Variants in MRNIP observed in about 807,000 individuals in gnomAD.
MRNIP encodes MRN complex interacting protein, also known as MRN complex-interacting protein.
Under a neutral mutation model 29.8 loss-of-function variants are expected in MRNIP, and 30 were observed. The ratio of observed to expected loss-of-function variants is 1.01; its 90% CI spans 0.75 to 1.36. The LOEUF is 1.36. Ranked by LOEUF, MRNIP falls within the 40% of genes most tolerant of loss-of-function variation. MRNIP has a pLI of 0.00. For synonymous variants in MRNIP, 201 were observed against 164.1 expected, an observed-to-expected ratio of 1.23 and a Z score of -1.72; for missense variants, 459 against 423.5, an observed-to-expected ratio of 1.08 and a Z score of -0.74.
chr5:179,855,022 T>A (rs1359410284), intron 1 of MRNIP, among the ~76,000 whole-genome samples: 2 of 152,216 alleles, frequency 1.3e-5, no homozygotes, highest in Admixed American at 1.3e-4. Context: ...ATAAAAATTA[T>A]AAAGGAGCGG....
intron 4 of MRNIP, among the ~76,000 whole-genome samples, chr5:179,843,506 A>G (rs999158994): frequency 6.6e-6 from 1 of 152,116 alleles, no homozygotes; most frequent in African/African-American, 2.4e-5. Context: ...TTGGGAGCTG[A>G]GGTGGGAAGA....
chr5:179,846,859 G>A (rs1009388670), intron 3 of MRNIP, among the ~76,000 whole-genome samples: 6 of 152,072 alleles, frequency 3.9e-5, no homozygotes, highest in Admixed American at 3.9e-4. Context: ...AGTCCTCCGG[G>A]AGCTCAGTTT....
chr5:179,851,509 G>A (rs957334011), intron 2 of MRNIP: 2 of 443,148 alleles, frequency 4.5e-6, no homozygotes, highest in Non-Finnish European at 9.2e-6. Flanking sequence ...AAAAGCTGAT[G>A]TCTGGCTTGT....
Position 179,844,587 on chromosome 5 carries a change from C to T in MRNIP, c.216-360G>A, listed in dbSNP as rs1357410788. Among the ~76,000 whole-genome samples the T allele has an allele frequency of 4.0e-5, 6 of 151,414 alleles. No homozygotes were observed. The East Asian group carries it at 1.2e-3, about 29-fold the overall frequency. On this transcript the variant is annotated intron_variant, in intron 3 of 6. Transcript: ENST00000292586. ...ACAGGCACGCACCACTACGCCTGCC[C>T]TTTTTTTTTCTTCTTTTTATTGTAG... is the stretch of plus-strand genomic sequence containing the variant.
chr5:179,844,353 G>C, intron 3 of MRNIP, 126 bp from the exon 4 acceptor site: 1 of 715,940 alleles, frequency 1.4e-6, no homozygotes, highest in Admixed American at 2.1e-5. Flanking sequence ...AGGAGTTCGA[G>C]ACAAGTCTGA....
At chr5:179,843,075 GAGGGAGGCAGGCAAGC>G (rs1188248133) in intron 4 of MRNIP, among the ~76,000 whole-genome samples, 2 of 129,670 alleles carry the variant, frequency 1.5e-5, no homozygotes, top group Non-Finnish European at 3.4e-5. Context: ...GGGAGGGAGG[GAGGGAGGCAGGCAAGC>G]AGGCAAGCAG....
chr5:179,842,610 GA>G, intron 4 of MRNIP, among the ~76,000 whole-genome samples: 1 of 144,124 alleles, frequency 6.9e-6, no homozygotes, highest in South Asian at 2.3e-4. Context: ...TGAGGCAGGA[GA>G]ATGGTGTGAA....
rs58952171 is a variant in MRNIP, at chr5:179,842,699, C to CAAAAAA, written c.292-641_292-636dup. ...TGGGGGGCAGAGCGAGACTCCGTCT[C>CAAAAAA]AAAAAAAAAAAAAAAAAAAAAAAAA... is the stretch of plus-strand genomic sequence containing the variant. On this transcript the variant is annotated intron_variant, in intron 4 of 6. Coordinates refer to ENST00000292586, the MANE Select transcript of MRNIP (RefSeq NM_016175.4). Among the ~76,000 whole-genome samples, 190 of 28,990 alleles carry CAAAAAA rather than the reference C, an allele frequency of 6.6e-3. 10 individuals carry two copies. The highest frequency in any genetic ancestry group is 0.013 in the African/African-American group (73 of 5,720). The allele number at this position is 28,990 out of a possible 152,430, so 19.0% of individuals were successfully genotyped here. A position where few individuals can be genotyped will look rare whatever the true frequency, so the allele number is the denominator to read the frequency against.
At chr5:179,850,320 G>A (rs1458982857) in intron 2 of MRNIP, among the ~76,000 whole-genome samples, 1 of 152,234 alleles carries the variant, frequency 6.6e-6, no homozygotes, top group Non-Finnish European at 1.5e-5. Context: ...CAGCCGCTCT[G>A]CTGTCGCCAT....
At chr5:179,848,181 C>A (rs1759208876) in intron 2 of MRNIP, 115 bp from the exon 3 acceptor site, 2 of 770,042 alleles carry the variant, frequency 2.6e-6, no homozygotes, top group South Asian at 2.8e-5. Flanking sequence ...GGCCCAAAGA[C>A]CCCTAAAGCA....
chr5:179,858,352 G>A (rs575899582), intron 1 of MRNIP, among the ~76,000 whole-genome samples: 1 of 152,212 alleles, frequency 6.6e-6, no homozygotes, highest in Non-Finnish European at 1.5e-5. Context: ...GGGCGCCCAG[G>A]TGTGGAGCAG....
intron 4 of MRNIP, 66 bp from the exon 5 acceptor site, chr5:179,842,130 A>G: frequency 6.6e-7 from 1 of 1,507,776 alleles, no homozygotes; most frequent in South Asian, 1.2e-5. Context: ...GAAAACCCCT[A>G]GCCCAACTCT....
At position 179,840,857 on chromosome 5, in the gene MRNIP, C is replaced by G. The variant is rs371759442; in HGVS notation, c.537+15G>C. 6.3e-7 allele frequency: 1 copy of G among 1,576,416 alleles called. No homozygotes were observed. The highest frequency in any genetic ancestry group is 8.7e-7 in the Non-Finnish European group (1 of 1,149,032). On this transcript the variant is annotated intron_variant, in intron 6 of 6. Coordinates refer to ENST00000292586, the MANE Select transcript of MRNIP (RefSeq NM_016175.4). ...AGTGGTCACTGGGACCAGAGAGAAACTGTTTGTCACTGACCTTCTGGGGTC... is the reference window on the plus strand; with the variant it reads ...AGTGGTCACTGGGACCAGAGAGAAAGTGTTTGTCACTGACCTTCTGGGGTC...
Position 179,848,001 on chromosome 5 carries a change from T to G in MRNIP, c.192A>C (p.Gly64=). 6.2e-7 allele frequency: 1 copy of G among 1,613,066 alleles called. No individual in the cohort carries two copies. The highest frequency in any genetic ancestry group is 8.5e-7 in the Non-Finnish European group (1 of 1,179,468). Residue 64 remains glycine, a synonymous_variant, in exon 3 of 7, where the codon GGA becomes GGC. Coordinates refer to ENST00000292586, the MANE Select transcript of MRNIP (RefSeq NM_016175.4). ...ACCTGAGTGGCAGCTCTGAAACTTG[T>G]CCCTGTAGTAGATTTAACTTTTGGA... ...RHVQKLNLLQ[G]QVSELPLRSL...
chr5:179,856,911 G>A (rs184564058), intron 1 of MRNIP, among the ~76,000 whole-genome samples: 329 of 152,092 alleles, frequency 2.2e-3, no homozygotes, highest in Non-Finnish European at 3.1e-3. Context: ...CAACACGGCC[G>A]AAACCTCATT....
intron 1 of MRNIP, among the ~76,000 whole-genome samples, chr5:179,857,650 T>C (rs2113581000): frequency 6.6e-6 from 1 of 152,276 alleles, no homozygotes; most frequent in Non-Finnish European, 1.5e-5. Context: ...TTACAAACGC[T>C]TAGCATTAAA....
intron 4 of MRNIP, 112 bp downstream of exon 4, chr5:179,844,040 T>G: frequency 1.2e-6 from 1 of 851,406 alleles, no homozygotes; most frequent in Non-Finnish European, 1.9e-6. Flanking sequence ...GCCAACTGCC[T>G]GTCATTGGGT....
intron 4 of MRNIP, among the ~76,000 whole-genome samples, chr5:179,843,471 G>A: frequency 6.6e-6 from 1 of 152,180 alleles, no homozygotes; most frequent in East Asian, 1.9e-4. Flanking sequence ...CAGGTGCAGT[G>A]GTTCATGCCT....
rs557294400 is a variant in MRNIP at position 179,842,997 on chromosome 5, C to T, written c.292-933G>A. 2.9e-3 allele frequency among the ~76,000 whole-genome samples: 397 copies of T among 136,146 alleles called. 3 individuals are homozygous for T. The highest frequency in any genetic ancestry group is 1.2e-3 in the South Asian group (5 of 4,268). 89.3% of individuals were successfully genotyped at this position (136,146 alleles called of 152,430 possible). On this transcript the variant is annotated intron_variant, in intron 4 of 6. Transcript: ENST00000292586. ...GCAGTGAGCTGAGATCACGCCACTG[C>T]ACTCCGGCTGGGGGACACAGCGAGA...
Sources: gnomAD v4.1 joint callset for allele counts (sites outside exome capture counted in the v4.1 genomes callset) on GRCh38, gnomAD v4.1.1 for gene constraint, MANE v1.5 for transcripts, NCBI Gene and HGNC (gene_info 2026-07-23, HGNC 2026-07-21) for gene names.